Variants in SLC6A12 observed in about 807,000 individuals in gnomAD.
The protein encoded by SLC6A12 is sodium- and chloride-dependent betaine transporter.
A neutral mutation model predicts 73.3 loss-of-function variants in SLC6A12; 50 were observed. That is an observed-to-expected ratio of 0.68 (90% CI 0.54 to 0.86). The LOEUF is 0.86. Ranked by LOEUF, SLC6A12 falls within the 40% of genes least tolerant of loss-of-function variation. The pLI, the probability that SLC6A12 is intolerant of heterozygous loss-of-function variation, is 0.00. For missense variants in SLC6A12, 648 were observed against 772.8 expected (o/e 0.84, Z 1.92); for synonymous variants, 304 against 309.2 (o/e 0.98, Z 0.18).
downstream of SLC6A12, among the ~76,000 whole-genome samples, chr12:187,599 A>AG (rs1565461296): frequency 6.7e-4 from 6 of 8,890 alleles, no homozygotes; most frequent in African/African-American, 1.0e-3. Context: ...CAAAAAAAAA[A>AG]AAAAAAAAAA....
intron 15 of SLC6A12, among the ~76,000 whole-genome samples, chr12:191,761 G>T (rs1462639933): frequency 6.6e-6 from 1 of 152,134 alleles, no homozygotes; most frequent in South Asian, 2.1e-4. Flanking sequence ...ACCATGAGGT[G>T]ATAAACGTGA....
At chr12:200,327 C>T (rs930674750) in intron 7 of SLC6A12, among the ~76,000 whole-genome samples, 4 of 151,988 alleles carry the variant, frequency 2.6e-5, no homozygotes, top group South Asian at 2.1e-4. Context: ...CCAGGATGGT[C>T]TCGATCTCCT....
Position 202,809 on chromosome 12 carries a change from G to C in SLC6A12, c.421C>G (p.Leu141Val), listed in dbSNP as rs564328790. Residue 141 changes from leucine to valine, a missense_variant, in exon 5 of 16, where the codon CTC becomes GTC. By Grantham distance (32) the Leu-to-Val change is conservative. Coordinates refer to ENST00000684302, the MANE Select transcript of SLC6A12 (RefSeq NM_001122848.3). ...GTGAAGGAGCTGAACAGGTAGAAGA[G>C]AGCCCAGGCAAGGATGATGATGTAG... ...VYYIIILAWA[L>V]FYLFSSFTSE... The C allele has an allele frequency of 3.1e-6, 5 of 1,614,060 alleles. No homozygotes were observed. Among genetic ancestry groups the C allele is most frequent in the Admixed American group, 1.7e-5 (1 of 60,026 alleles).
At chr12:196,087 C>A (rs764510675) in intron 12 of SLC6A12, 37 bp downstream of exon 12, 11 of 1,545,620 alleles carry the variant, frequency 7.1e-6, no homozygotes, top group South Asian at 1.2e-5. Context: ...GCTCCCTCCC[C>A]TGGAGCCTGG....
chr12:203,059 C>CTTTTTTT (rs10582500), intron 4 of SLC6A12, among the ~76,000 whole-genome samples, 179 bp from the exon 5 acceptor site: 113 of 68,298 alleles, frequency 1.7e-3, no homozygotes, highest in African/African-American at 2.3e-3. Context: ...TTTTTCTTTT[C>CTTTTTTT]TTTTTTTTTT....
chr12:200,051 G>A (rs1940127006), intron 7 of SLC6A12, among the ~76,000 whole-genome samples: 1 of 151,370 alleles, frequency 6.6e-6, no homozygotes. Flanking sequence ...CAACCTGCCA[G>A]CAGGGATTAG....
the SLC6A12 span, among the ~76,000 whole-genome samples, chr12:184,237 T>C: frequency 6.6e-6 from 1 of 151,964 alleles, no homozygotes; most frequent in African/African-American, 2.4e-5. Context: ...GAAAAAGCAA[T>C]CCATAAAATT....
At chr12:187,593 A>AAAAAG (rs1939455206), downstream of SLC6A12, among the ~76,000 whole-genome samples, 1 of 4,222 alleles carries the variant, frequency 2.4e-4, no homozygotes, top group African/African-American at 3.7e-4. Context: ...AAAGAGCAAA[A>AAAAAG]AAAAAAAAAA....
the SLC6A12 span, among the ~76,000 whole-genome samples, chr12:185,020 GCCA>G: frequency 3.3e-5 from 5 of 152,244 alleles, no homozygotes; most frequent in Non-Finnish European, 7.4e-5. Context: ...GATGCCAGCT[GCCA>G]CCACTTCTAG....
chr12:204,394 T>TC (rs1447982312), intron 4 of SLC6A12, among the ~76,000 whole-genome samples, 170 bp downstream of exon 4: 1 of 152,202 alleles, frequency 6.6e-6, no homozygotes, highest in Non-Finnish European at 1.5e-5. Flanking sequence ...AGCCAGTGTT[T>TC]CCCCACCAGG....
chr12:200,287 T>G (rs1486059822), intron 7 of SLC6A12, among the ~76,000 whole-genome samples: 3 of 151,030 alleles, frequency 2.0e-5, no homozygotes, highest in Non-Finnish European at 4.4e-5. Flanking sequence ...TTTTTGTATT[T>G]TTAGTAGAGA....
chr12:202,943 T>C (rs1940357296), intron 4 of SLC6A12, 63 bp from the exon 5 acceptor site: 6 of 1,501,650 alleles, frequency 4.0e-6, no homozygotes, highest in Non-Finnish European at 5.5e-6. Context: ...AAAAGTCACA[T>C]AGAAGCTGCC....
downstream of SLC6A12, among the ~76,000 whole-genome samples, chr12:187,196 A>C (rs1591772152): frequency 1.3e-5 from 2 of 152,130 alleles, no homozygotes; most frequent in African/African-American, 2.4e-5. Flanking sequence ...TGCAACTCAA[A>C]CACCAAAGGA....
At chr12:189,422 G>C (rs971399419), downstream of SLC6A12, among the ~76,000 whole-genome samples, 3 of 152,202 alleles carry the variant, frequency 2.0e-5, no homozygotes, top group African/African-American at 4.8e-5. Flanking sequence ...CAAGGAGCGA[G>C]GGCACAGGTG....
chr12:197,134 C>CATCTATCCATCT lies in SLC6A12; in HGVS notation c.1075+242_1075+243insAGATGGATAGAT, dbSNP rs1359037447. Among the ~76,000 whole-genome samples, 84 of 101,626 alleles carry CATCTATCCATCT rather than the reference C, an allele frequency of 8.3e-4. 2 individuals are homozygous for CATCTATCCATCT. The highest frequency in any genetic ancestry group is 2.0e-3 in the African/African-American group (49 of 24,064). The allele number at this position is 101,626 out of a possible 152,430, so 66.7% of individuals were successfully genotyped here. ...CCATCCATCCATCCATCCATCCATC[C>CATCTATCCATCT]ATCCATCCATCCATCCATCCATCCA... On this transcript the variant is annotated intron_variant, in intron 10 of 15. Transcript: ENST00000684302.
chr12:204,344 C>T, intron 4 of SLC6A12: 2 of 547,166 alleles, frequency 3.7e-6, no homozygotes, highest in Non-Finnish European at 6.5e-6. Flanking sequence ...GCCTCCCCCA[C>T]CTCCCCACCA....
downstream of SLC6A12, among the ~76,000 whole-genome samples, chr12:187,557 A>G (rs1298544095): frequency 1.4e-5 from 2 of 143,230 alleles, no homozygotes; most frequent in Non-Finnish European, 3.0e-5. Flanking sequence ...AGACCCAAAC[A>G]GTGAGCAGCA....
intron 14 of SLC6A12, 59 bp from the exon 15 acceptor site, chr12:192,707 A>G: frequency 6.6e-7 from 1 of 1,510,416 alleles, no homozygotes; most frequent in Non-Finnish European, 9.2e-7. Context: ...CCCTCTCCGC[A>G]GCTACGTACA....
Position 198,161 on chromosome 12 carries a change from G to A in SLC6A12, c.847-158C>T, listed in dbSNP as rs1009730605. Among the ~76,000 whole-genome samples, 2 of 152,124 alleles carry A rather than the reference G, an allele frequency of 1.3e-5. No individual in the cohort carries two copies. The highest frequency in any genetic ancestry group is 2.9e-5 in the Non-Finnish European group (2 of 68,020). On this transcript the variant is annotated intron_variant, in intron 8 of 15. Coordinates refer to ENST00000684302, the MANE Select transcript of SLC6A12 (RefSeq NM_001122848.3). The surrounding 1 kb of genome is among the most constrained non-coding windows in gnomAD (Gnocchi z 4.0). ...CCAACTCTCCGTGAGTGCGCCCTCC[G>A]GTCTCCACGGTGATCTCCTCCCCAG...
Sources: allele counts gnomAD v4.1 joint callset (sites outside exome capture counted in the v4.1 genomes callset), GRCh38; gene constraint gnomAD v4.1.1; non-coding constraint Gnocchi (gnomAD v3.1); transcripts MANE v1.5; gene names NCBI Gene and HGNC (gene_info 2026-07-23, HGNC 2026-07-21).